The following RSRC1 variants were observed in gnomAD, a reference collection of about 807,000 sequenced individuals.
The protein encoded by RSRC1 is arginine and serine rich coiled-coil 1.
A neutral mutation model predicts 49.1 loss-of-function variants in RSRC1; 39 were observed. The observed-to-expected ratio is 0.79, with a 90% CI of 0.61 to 1.04. The LOEUF (loss-of-function observed/expected upper bound fraction) is 1.04. Ranked by LOEUF, RSRC1 falls within the 50% of genes least tolerant of loss-of-function variation. The pLI, the probability that RSRC1 is intolerant of heterozygous loss-of-function variation, is 0.00. For missense variants in RSRC1, 388 were observed against 402.4 expected (o/e 0.96, Z 0.31); for synonymous variants, 143 against 130.8 (o/e 1.09, Z -0.63).
intron 4 of RSRC1, among the ~76,000 whole-genome samples, chr3:158,235,232 T>C (rs776617660): frequency 1.3e-5 from 2 of 152,138 alleles, no homozygotes; most frequent in African/African-American, 2.4e-5. Flanking sequence ...TTACATTCTG[T>C]CCCAGTCTCA....
At chr3:158,149,474 A>T (rs1408727847) in intron 3 of RSRC1, among the ~76,000 whole-genome samples, 14 of 152,202 alleles carry the variant, frequency 9.2e-5, no homozygotes, top group Middle Eastern at 6.8e-3. Context: ...TTGATAGGGG[A>T]TGTGGGAATG....
chr3:158,518,095 CGTGTGTGTGTGT>C (rs1263691994), intron 7 of RSRC1, among the ~76,000 whole-genome samples: 33 of 77,388 alleles, frequency 4.3e-4, no homozygotes, highest in African/African-American at 1.3e-3. Context: ...TAAGTGCGTG[CGTGTGTGTGTGT>C]GTGTGTGTGT....
intron 1 of RSRC1, among the ~76,000 whole-genome samples, chr3:158,119,321 A>G (rs1029518048): frequency 6.6e-6 from 1 of 152,110 alleles, no homozygotes; most frequent in Non-Finnish European, 1.5e-5. Flanking sequence ...CTTAGCTCTA[A>G]ATTCTCCATG....
intron 7 of RSRC1, among the ~76,000 whole-genome samples, chr3:158,500,413 G>A (rs1372354536): frequency 6.6e-6 from 1 of 152,052 alleles, no homozygotes; most frequent in Non-Finnish European, 1.5e-5. Context: ...TACTTTCTCT[G>A]TCTTGAGGAA....
intron 4 of RSRC1, among the ~76,000 whole-genome samples, chr3:158,217,682 T>G (rs699926): frequency 0.65 from 96,975 of 149,814 alleles, 31,700 homozygotes; most frequent in East Asian, 0.84. Flanking sequence ...CACTGGGTTG[T>G]GTCTTGGAGA....
intron 3 of RSRC1, among the ~76,000 whole-genome samples, chr3:158,139,109 A>G (rs1716575778): frequency 6.6e-6 from 1 of 152,078 alleles, no homozygotes; most frequent in Admixed American, 6.6e-5. Context: ...GAGAATGAAT[A>G]TTTTATTTTG....
At chr3:158,402,135 G>T (rs189398786) in intron 6 of RSRC1, among the ~76,000 whole-genome samples, 53 of 151,992 alleles carry the variant, frequency 3.5e-4, no homozygotes, top group Admixed American at 3.0e-3. Flanking sequence ...TCTACCTTGA[G>T]TAATTATAGC....
At chr3:158,355,302 TAGTC>T (rs1731097002) in intron 6 of RSRC1, among the ~76,000 whole-genome samples, 1 of 151,798 alleles carries the variant, frequency 6.6e-6, no homozygotes, top group Non-Finnish European at 1.5e-5. Context: ...ATGGAGGAGT[TAGTC>T]TTAAATGTAA....
intron 6 of RSRC1, among the ~76,000 whole-genome samples, chr3:158,438,621 G>T (rs1159192843): frequency 6.6e-6 from 1 of 152,148 alleles, no homozygotes; most frequent in Admixed American, 6.5e-5. Context: ...GCCATATGTA[G>T]AAAGCTGAAA....
chr3:158,120,800 T>C (rs1467157801), intron 1 of RSRC1, among the ~76,000 whole-genome samples: 2 of 150,488 alleles, frequency 1.3e-5, no homozygotes, highest in African/African-American at 4.8e-5. Context: ...TGAATAAATA[T>C]TAAAGATGAT....
intron 6 of RSRC1, among the ~76,000 whole-genome samples, chr3:158,433,159 G>A (rs1358226212): frequency 1.3e-4 from 19 of 151,842 alleles, no homozygotes; most frequent in Admixed American, 1.2e-3. Flanking sequence ...TGCTGTGCTT[G>A]CTTACTATTA....
intron 6 of RSRC1, among the ~76,000 whole-genome samples, chr3:158,359,830 A>C (rs1731371864): frequency 6.6e-6 from 1 of 152,194 alleles, no homozygotes; most frequent in African/African-American, 2.4e-5. Flanking sequence ...AACCAGGAAG[A>C]ATAAGGTACA....
chr3:158,350,792 T>A (rs1336393394), intron 5 of RSRC1, among the ~76,000 whole-genome samples: 1 of 152,204 alleles, frequency 6.6e-6, no homozygotes, highest in African/African-American at 2.4e-5. Context: ...TTTCTGGTTC[T>A]GAATAAGATT....
intron 4 of RSRC1, among the ~76,000 whole-genome samples, chr3:158,204,983 C>T (rs1455897226): frequency 6.6e-6 from 1 of 152,136 alleles, no homozygotes; most frequent in Non-Finnish European, 1.5e-5. Flanking sequence ...TTGAATGTCT[C>T]AGCCAGCTTT....
chr3:158,469,127 T>G (rs1185992377), intron 7 of RSRC1, among the ~76,000 whole-genome samples: 1 of 152,162 alleles, frequency 6.6e-6, no homozygotes, highest in South Asian at 2.1e-4. Context: ...AGGTCTAGCT[T>G]CTTCTTAAGG....
chr3:158,474,090 T>C (rs1481655957), intron 7 of RSRC1, among the ~76,000 whole-genome samples: 1 of 152,146 alleles, frequency 6.6e-6, no homozygotes, highest in Non-Finnish European at 1.5e-5. Flanking sequence ...GCACTATTTT[T>C]CAACACAAAT....
chr3:158,530,374 A>G (rs1004493296), intron 7 of RSRC1, among the ~76,000 whole-genome samples: 1 of 151,802 alleles, frequency 6.6e-6, no homozygotes, highest in Non-Finnish European at 1.5e-5. Flanking sequence ...AAATACCACC[A>G]TGTCAGAGAG....
intron 5 of RSRC1, among the ~76,000 whole-genome samples, chr3:158,327,826 G>A (rs1466367154): frequency 1.3e-5 from 2 of 152,168 alleles, no homozygotes; most frequent in African/African-American, 2.4e-5. Context: ...AATGTTGACA[G>A]TGGGGTGTTA....
intron 3 of RSRC1, among the ~76,000 whole-genome samples, chr3:158,183,398 A>G (rs1041440820): frequency 6.6e-6 from 1 of 152,152 alleles, no homozygotes; most frequent in African/African-American, 2.4e-5. Context: ...TTGTTTAAAA[A>G]AAGAAATGCC....
Sources: gnomAD v4.1 joint callset for allele counts (sites outside exome capture counted in the v4.1 genomes callset) on GRCh38, gnomAD v4.1.1 for gene constraint, MANE v1.5 for transcripts, NCBI Gene and HGNC (gene_info 2026-07-23, HGNC 2026-07-21) for gene names.